DSCAM: variants seen among roughly 807,000 people sequenced by gnomAD.
The protein encoded by DSCAM is cell adhesion molecule DSCAM.
In DSCAM, 47 loss-of-function variants were observed where a neutral mutation model predicts 217.7. The observed-to-expected ratio is 0.22, with a 90% CI of 0.17 to 0.28. The LOEUF is 0.28. Among genes scored for constraint, DSCAM ranks in the 10% least tolerant of loss-of-function variants. DSCAM has a pLI of 1.00. For synonymous variants in DSCAM, 1,056 were observed against 1,015.3 expected, an observed-to-expected ratio of 1.04 and a Z score of -0.76; for missense variants, 2,080 against 2,618.3, an observed-to-expected ratio of 0.79 and a Z score of 4.49.
chr21:40,621,513 GAC>G (rs2089516516), intron 3 of DSCAM: 1 of 152,124 alleles, frequency 6.6e-6, no homozygotes, highest in Non-Finnish European at 1.5e-5. Context: ...AAGCAATGCT[GAC>G]TGGATGCCCT....
intron 1 of DSCAM, among the ~76,000 whole-genome samples, chr21:40,807,478 G>A (rs1215948121): frequency 3.3e-5 from 5 of 152,066 alleles, no homozygotes; most frequent in Non-Finnish European, 5.9e-5. Context: ...GGGGTGGAGG[G>A]CGAGGGGGAG....
At chr21:40,271,663 T>C (rs942313620) in intron 11 of DSCAM, among the ~76,000 whole-genome samples, 2 of 152,202 alleles carry the variant, frequency 1.3e-5, no homozygotes, top group Admixed American at 6.5e-5. Flanking sequence ...TTTTGGTTCC[T>C]AAACAAGATG....
At chr21:40,274,634 T>C (rs1319763684) in intron 11 of DSCAM, among the ~76,000 whole-genome samples, 1 of 152,220 alleles carries the variant, frequency 6.6e-6, no homozygotes, top group Non-Finnish European at 1.5e-5. Context: ...AAAATTACCA[T>C]TTCAGCTCTG....
chr21:40,463,729 G>A (rs1182725684), intron 3 of DSCAM, among the ~76,000 whole-genome samples: 2 of 152,164 alleles, frequency 1.3e-5, no homozygotes, highest in Non-Finnish European at 2.9e-5. Context: ...GCTCCTTAGA[G>A]GCTGGTTCCA....
At chr21:40,794,060 A>G (rs1476752185) in intron 1 of DSCAM, among the ~76,000 whole-genome samples, 1 of 152,098 alleles carries the variant, frequency 6.6e-6, no homozygotes, top group African/African-American at 2.4e-5. Flanking sequence ...GAAAAGGCCA[A>G]CCTTCCTTGG....
chr21:40,186,312 C>A (rs73230326), intron 14 of DSCAM, among the ~76,000 whole-genome samples: 1 of 151,874 alleles, frequency 6.6e-6, no homozygotes, highest in Non-Finnish European at 1.5e-5. Context: ...TCTGAAATAA[C>A]GTGCGGTATC....
At chr21:40,545,395 G>T (rs921315677) in intron 3 of DSCAM, among the ~76,000 whole-genome samples, 2 of 152,162 alleles carry the variant, frequency 1.3e-5, no homozygotes, top group Admixed American at 6.5e-5. Context: ...CTCCACTGGG[G>T]ATAGGCAGCC....
intron 32 of DSCAM, among the ~76,000 whole-genome samples, chr21:40,018,500 T>C (rs2088205180): frequency 6.6e-6 from 1 of 152,214 alleles, no homozygotes; most frequent in South Asian, 2.1e-4. Context: ...TCACGAACGC[T>C]TGACATATTT....
At chr21:40,421,725 A>T (rs2083867397) in intron 3 of DSCAM, among the ~76,000 whole-genome samples, 1 of 152,262 alleles carries the variant, frequency 6.6e-6, no homozygotes, top group South Asian at 2.1e-4. Context: ...AACACCTGAG[A>T]GGCGGAAACC....
intron 4 of DSCAM, among the ~76,000 whole-genome samples, chr21:40,368,515 A>G (rs2074858428): frequency 6.6e-6 from 1 of 152,246 alleles, no homozygotes; most frequent in Non-Finnish European, 1.5e-5. Flanking sequence ...ATGAAGAGAA[A>G]AATCCCAACA....
intron 10 of DSCAM, among the ~76,000 whole-genome samples, chr21:40,278,553 T>G (rs2073719288): frequency 6.6e-6 from 1 of 151,830 alleles, no homozygotes; most frequent in Non-Finnish European, 1.5e-5. Context: ...AGTCACAGAG[T>G]GAGCCCTCAT....
intron 3 of DSCAM, among the ~76,000 whole-genome samples, chr21:40,468,484 A>C (rs2075862584): frequency 6.6e-6 from 1 of 152,224 alleles, no homozygotes; most frequent in African/African-American, 2.4e-5. Flanking sequence ...ACTCAAGCTC[A>C]ACAATCTGAA....
At chr21:40,175,077 A>G (rs900363487) in intron 15 of DSCAM, among the ~76,000 whole-genome samples, 4 of 152,160 alleles carry the variant, frequency 2.6e-5, no homozygotes, top group Admixed American at 2.6e-4. Flanking sequence ...AGTACTCTAA[A>G]CTGCATGACT....
intron 3 of DSCAM, among the ~76,000 whole-genome samples, chr21:40,590,639 C>T (rs186831831): frequency 1.4e-4 from 22 of 152,298 alleles, no homozygotes; most frequent in African/African-American, 5.3e-4. Flanking sequence ...CTTACTATTA[C>T]TTTAAAAAAT....
chr21:40,731,410 G>A (rs2091009385), intron 1 of DSCAM, among the ~76,000 whole-genome samples: 1 of 152,154 alleles, frequency 6.6e-6, no homozygotes, highest in Admixed American at 6.5e-5. Flanking sequence ...GGAAAGTTGA[G>A]GCTATAGCTC....
At chr21:40,677,751 A>T (rs775381052) in intron 3 of DSCAM, among the ~76,000 whole-genome samples, 19 of 152,070 alleles carry the variant, frequency 1.2e-4, no homozygotes, top group Non-Finnish European at 2.8e-4. Context: ...GGCCCTTCTA[A>T]AAAGAGACCC....
intron 3 of DSCAM, among the ~76,000 whole-genome samples, chr21:40,482,197 T>G (rs558215609): frequency 6.6e-6 from 1 of 152,240 alleles, no homozygotes; most frequent in Non-Finnish European, 1.5e-5. Context: ...ATTCACATAA[T>G]TGCATTTCTT....
At chr21:40,623,475 G>A (rs918488027) in intron 3 of DSCAM, among the ~76,000 whole-genome samples, 5 of 152,210 alleles carry the variant, frequency 3.3e-5, no homozygotes, top group Non-Finnish European at 7.3e-5. Context: ...CTGGATCAAA[G>A]AGATAGCCTG....
intron 2 of DSCAM, among the ~76,000 whole-genome samples, chr21:40,703,465 G>C (rs926090): frequency 0.12 from 17,872 of 152,070 alleles, 1,745 homozygotes; most frequent in African/African-American, 0.27. Context: ...GCTGCAGTGA[G>C]CGATGATCAC....
Sources: allele counts gnomAD v4.1 joint callset (sites outside exome capture counted in the v4.1 genomes callset), GRCh38; gene constraint gnomAD v4.1.1; transcripts MANE v1.5; gene names NCBI Gene and HGNC (gene_info 2026-07-23, HGNC 2026-07-21).